Variants in NOP53 observed in about 807,000 individuals in gnomAD.
The protein encoded by NOP53 is NOP53 ribosome biogenesis factor, also known as ribosome biogenesis protein NOP53.
NOP53 carries 40 observed loss-of-function variants against 61.0 expected under a neutral mutation model. The ratio of observed to expected loss-of-function variants is 0.66; its 90% CI spans 0.51 to 0.85. The LOEUF (loss-of-function observed/expected upper bound fraction) is 0.85, where lower values mean the gene tolerates loss of function less well. NOP53 is among the 40% of genes least tolerant of loss of function. The pLI is 0.00. For missense variants in NOP53, 689 were observed against 652.9 expected, an observed-to-expected ratio of 1.06 and a Z score of -0.60; for synonymous variants, 308 against 289.5, an observed-to-expected ratio of 1.06 and a Z score of -0.65.
At position 47,755,492 on chromosome 19, in the gene NOP53, G is replaced by A; in HGVS notation, c.1198G>A (p.Ala400Thr). ...GCGGCAGGCGCGGCGGGAGGCTGAG[G>A]CTGACAAGCCCCGAAGGCTGGGGCG... ...RRRQARREAE[A>T]DKPRRLGRLK... Residue 400 changes from alanine to threonine, a missense_variant, in exon 9 of 13, where the codon GCT (alanine) becomes ACT (threonine). Physicochemically the swap from Ala to Thr is moderately conservative, Grantham distance 58. Coordinates refer to ENST00000246802, the MANE Select transcript of NOP53 (RefSeq NM_015710.5). 6.8e-7 allele frequency: 1 copy of A among 1,480,602 alleles called. No homozygotes were observed. Among genetic ancestry groups the A allele is most frequent in the Middle Eastern group, 2.4e-4 (1 of 4,096 alleles). 91.7% of individuals were successfully genotyped at this position (1,480,602 alleles called of 1,614,324 possible).
chr19:47,750,864 C>A, intron 3 of NOP53, 44 bp from the exon 4 acceptor site: 1 of 1,512,970 alleles, frequency 6.6e-7, no homozygotes, highest in Non-Finnish European at 9.0e-7. Context: ...GCCGTTCAGG[C>A]TGCCACCTCA....
At position 47,754,458 on chromosome 19, in the gene NOP53, G is replaced by C; in HGVS notation, c.766-69G>C. On this transcript the variant is annotated intron_variant, in intron 6 of 12. Transcript: ENST00000246802. This position sits in a 1 kb window ranked among gnomAD's most constrained non-coding sequence, Gnocchi z 4.2. ...CGGGCACTGGATGAGGGACAGATGG[G>C]AGGTAAGAGGGTCTAGTCTCAGTGT... is the stretch of plus-strand genomic sequence containing the variant. 3.3e-6 allele frequency: 4 copies of C among 1,195,370 alleles called. No homozygotes were observed. The highest frequency in any genetic ancestry group is 1.5e-5 in the African/African-American group (1 of 66,198). The allele number at this position is 1,195,370 out of a possible 1,614,324, so 74.0% of individuals were successfully genotyped here. A position where few individuals can be genotyped will look rare whatever the true frequency, so the allele number is the denominator to read the frequency against.
intron 2 of NOP53, among the ~76,000 whole-genome samples, chr19:47,747,767 T>TC (rs1474279705): frequency 1.4e-5 from 2 of 145,548 alleles, no homozygotes; most frequent in African/African-American, 5.2e-5. Context: ...ATTTCTTTTC[T>TC]TTTCTCTCTC....
Position 47,754,401 on chromosome 19 carries a change from G to A in NOP53, c.766-126G>A. 1.4e-6 allele frequency: 1 copy of A among 734,788 alleles called. No individual in the cohort carries two copies. The highest frequency in any genetic ancestry group is 2.4e-6 in the Non-Finnish European group (1 of 424,442). The allele number at this position is 734,788 out of a possible 1,614,324, so 45.5% of individuals were successfully genotyped here. A position where few individuals can be genotyped will look rare whatever the true frequency, so the allele number is the denominator to read the frequency against. On this transcript the variant is annotated intron_variant, in intron 6 of 12. Coordinates refer to ENST00000246802, the MANE Select transcript of NOP53 (RefSeq NM_015710.5). This position sits in a 1 kb window ranked among gnomAD's most constrained non-coding sequence, Gnocchi z 4.2. ...GTGGGTGTGCTGGTAGACGGGGTGT[G>A]GGGAGGAAAGCCTGGGCCGGGGCGG...
At position 47,747,087 on chromosome 19, in the gene NOP53, C is replaced by T. The variant is rs1400668672; in HGVS notation, c.289+56C>T. 33 of 1,355,486 alleles carry T rather than the reference C, an allele frequency of 2.4e-5. No individual in the cohort carries two copies. The East Asian group carries it at 2.5e-4, about 10-fold the overall frequency. The allele number at this position is 1,355,486 out of a possible 1,614,324, so 84.0% of individuals were successfully genotyped here. A position where few individuals can be genotyped will look rare whatever the true frequency, so the allele number is the denominator to read the frequency against. ...CGGTTATTCATTGTTAGTCAGCTTA[C>T]GGTAGCCTCTGAGATCTGTGTTAAT... On this transcript the variant is annotated intron_variant, in intron 2 of 12. Coordinates refer to ENST00000246802, the MANE Select transcript of NOP53 (RefSeq NM_015710.5).
At chr19:47,752,648 G>A (rs1368947410) in intron 6 of NOP53, 41 bp downstream of exon 6, 1 of 1,242,862 alleles carries the variant, frequency 8.0e-7, no homozygotes, top group African/African-American at 1.5e-5. Flanking sequence ...AGTGGGCTCT[G>A]CCTCTTGGTC....
intron 5 of NOP53, 40 bp from the exon 6 acceptor site, chr19:47,752,472 C>CA: frequency 1.6e-6 from 2 of 1,272,910 alleles, no homozygotes; most frequent in South Asian, 2.4e-5. Context: ...CCCGCAGCCC[C>CA]AACGCACGGC....
chr19:47,756,773 A>C (rs777873227), intron 12 of NOP53, 29 bp downstream of exon 12: 4 of 1,610,304 alleles, frequency 2.5e-6, no homozygotes, highest in Non-Finnish European at 3.4e-6. Flanking sequence ...GGCGCAAGGA[A>C]GGGAGCCCTT....
chr19:47,756,048 T>G, intron 10 of NOP53: 2 of 576,788 alleles, frequency 3.5e-6, no homozygotes, highest in Non-Finnish European at 6.2e-6. Flanking sequence ...TTCCAGCTGG[T>G]CCCTGTTGCA....
chr19:47,754,297 T>C lies in NOP53; in HGVS notation c.766-230T>C, dbSNP rs1599919553. 1.9e-6 allele frequency: 1 copy of C among 536,558 alleles called. No homozygotes were observed. Among genetic ancestry groups the C allele is most frequent in the East Asian group, 2.9e-5 (1 of 34,130 alleles). 33.2% of individuals were successfully genotyped at this position (536,558 alleles called of 1,614,324 possible). A position where few individuals can be genotyped will look rare whatever the true frequency, so the allele number is the denominator to read the frequency against. On this transcript the variant is annotated intron_variant, in intron 6 of 12. Coordinates refer to ENST00000246802, the MANE Select transcript of NOP53 (RefSeq NM_015710.5). The surrounding 1 kb of genome is among the most constrained non-coding windows in gnomAD (Gnocchi z 4.2). ...TATCTCAAAAAAAAAATGTGAAGCG[T>C]GCAGGTCAGACTGCCTTCACAGACG...
In NOP53 at chr19:47,751,559, T is replaced by C. The variant is rs772705450; in HGVS notation, c.638T>C (p.Phe213Ser). Residue 213 changes from phenylalanine to serine, a missense_variant, in exon 5 of 13, where the codon TTC becomes TCC. Phe to Ser is a radical substitution (Grantham distance 155). Transcript: ENST00000246802. ...CCGTTGGTTGGCCAGGATGAGTTTTTCCTGGAGCAGACCAAGAAGAAAGGA... is the reference window on the plus strand; with the variant it reads ...CCGTTGGTTGGCCAGGATGAGTTTTCCCTGGAGCAGACCAAGAAGAAAGGA... ...DRPLVGQDEF[F>S]LEQTKKKGVK... The C allele has an allele frequency of 3.4e-5, 55 of 1,613,804 alleles. No individual in the cohort carries two copies. The highest frequency in any genetic ancestry group is 4.5e-5 in the Non-Finnish European group (53 of 1,179,970).
At chr19:47,746,930 A>G (rs772911282) in intron 1 of NOP53, 37 bp from the exon 2 acceptor site, 4 of 1,572,678 alleles carry the variant, frequency 2.5e-6, no homozygotes, top group Non-Finnish European at 3.5e-6. Flanking sequence ...TTCCTCTCCA[A>G]CATCTCTGGC....
At chr19:47,745,806 G>A in intron 1 of NOP53, 23 bp downstream of exon 1, 1 of 1,477,276 alleles carries the variant, frequency 6.8e-7, no homozygotes, top group Non-Finnish European at 9.0e-7. Context: ...GGACTTCCGG[G>A]AGGTGGGACG....
intron 8 of NOP53, among the ~76,000 whole-genome samples, 159 bp downstream of exon 8, chr19:47,755,050 C>T (rs73571525): frequency 0.017 from 2,615 of 152,218 alleles, 70 homozygotes; most frequent in African/African-American, 0.059. Context: ...AGCTGAGACT[C>T]ATTTCCCAGC....
chr19:47,755,574 C>G, intron 9 of NOP53, 51 bp downstream of exon 9: 1 of 1,445,132 alleles, frequency 6.9e-7, no homozygotes, highest in South Asian at 1.4e-5. Context: ...GGGCCGGGTC[C>G]CAGGTCCTGA....
chr19:47,751,610 C>A lies in NOP53; in HGVS notation c.669+20C>A. 6.3e-7 allele frequency: 1 copy of A among 1,599,140 alleles called. No individual in the cohort carries two copies. Among genetic ancestry groups the A allele is most frequent in the African/African-American group, 1.3e-5 (1 of 74,720 alleles). On this transcript the variant is annotated intron_variant, in intron 5 of 12. Coordinates refer to ENST00000246802, the MANE Select transcript of NOP53 (RefSeq NM_015710.5). ...GTGAAGGTGAGATGTGTGGGAAGGG[C>A]ATCCTGGGTGATGGGAGGGTGAGGA...
rs954163228 is a variant in NOP53 at position 47,754,245 on chromosome 19, C to G, written c.766-282C>G. ...TGAGCTGAGATCACACCATTGCACT[C>G]CAGTCTGGGCAACAAGACAGAAACT... On this transcript the variant is annotated intron_variant, in intron 6 of 12. Transcript: ENST00000246802. This position sits in a 1 kb window ranked among gnomAD's most constrained non-coding sequence, Gnocchi z 4.2. The G allele has an allele frequency of 2.4e-6, 1 of 420,352 alleles. No homozygotes were observed. The highest frequency in any genetic ancestry group is 4.3e-6 in the Non-Finnish European group (1 of 230,556). 26.0% of individuals were successfully genotyped at this position (420,352 alleles called of 1,614,324 possible).
intron 10 of NOP53, chr19:47,756,223 G>A: frequency 1.9e-6 from 1 of 533,754 alleles, no homozygotes; most frequent in Non-Finnish European, 3.4e-6. Context: ...CCAGCCAGTT[G>A]TGCTCATGAG....
chr19:47,756,158 A>G, intron 10 of NOP53: 1 of 507,878 alleles, frequency 2.0e-6, no homozygotes, highest in Non-Finnish European at 3.5e-6. Context: ...AGTGCCCCTG[A>G]GGAAGCCCAG....
Sources: allele counts gnomAD v4.1 joint callset (sites outside exome capture counted in the v4.1 genomes callset), GRCh38; gene constraint gnomAD v4.1.1; non-coding constraint Gnocchi (gnomAD v3.1); transcripts MANE v1.5; gene names NCBI Gene and HGNC (gene_info 2026-07-23, HGNC 2026-07-21).